The following DCTN3 variants were observed in gnomAD, a reference collection of about 807,000 sequenced individuals.
The protein encoded by DCTN3 is dynactin 3 (p22).
In DCTN3, 25 loss-of-function variants were observed where a neutral mutation model predicts 28.4. That is an observed-to-expected ratio of 0.88 (90% CI 0.64 to 1.23). DCTN3 has a LOEUF of 1.23. Among genes scored for constraint, DCTN3 ranks in the 50% most tolerant of loss-of-function variants. DCTN3 has a pLI of 0.00. For synonymous variants in DCTN3, 81 were observed against 91.4 expected, an observed-to-expected ratio of 0.89 and a Z score of 0.65; for missense variants, 229 against 232.0, an observed-to-expected ratio of 0.99 and a Z score of 0.08.
At chr9:34,618,043 C>T (rs1820463945) in intron 2 of DCTN3, 72 bp from the exon 3 acceptor site, 1 of 1,493,438 alleles carries the variant, frequency 6.7e-7, no homozygotes, top group African/African-American at 1.4e-5. Context: ...GGATGTTTGA[C>T]AAGTGGTCAG....
At chr9:34,620,262 A>C in intron 1 of DCTN3, 107 bp downstream of exon 1, 2 of 985,268 alleles carry the variant, frequency 2.0e-6, no homozygotes, top group South Asian at 1.5e-5. Context: ...GTTATTTCAA[A>C]GGCCGGGCTG....
In DCTN3 at chr9:34,613,643, A is replaced by C. The variant is rs770808194; in HGVS notation, c.*139T>G. 787 of 1,216,324 alleles carry C rather than the reference A, an allele frequency of 6.5e-4. No homozygotes were observed. Among genetic ancestry groups the C allele is most frequent in the Non-Finnish European group, 8.4e-4 (759 of 904,786 alleles). 75.3% of individuals were successfully genotyped at this position (1,216,324 alleles called of 1,614,324 possible). A position where few individuals can be genotyped will look rare whatever the true frequency, so the allele number is the denominator to read the frequency against. On this transcript the variant is annotated 3_prime_UTR_variant, in exon 7 of 7. Coordinates refer to ENST00000259632, the MANE Select transcript of DCTN3 (RefSeq NM_007234.5). ...GCAAACCTCAGGTAACCTGACCTCC[A>C]ACTTTAGAGCCCAGAGTACAGAGAG...
rs758460702 is a variant in DCTN3 at position 34,613,740 on chromosome 9, G to A, written c.*42C>T. On this transcript the variant is annotated 3_prime_UTR_variant, in exon 7 of 7. Transcript: ENST00000259632. Reference sequence around the variant, plus strand: ...AAAGGCAGGTTGGCATAGGGCCCTGGAGCCTGACTGCCCAGGCCCACTTTG... The same window carrying A: ...AAAGGCAGGTTGGCATAGGGCCCTGAAGCCTGACTGCCCAGGCCCACTTTG... 34 of 1,611,652 alleles carry A rather than the reference G, an allele frequency of 2.1e-5. No individual in the cohort carries two copies. The highest frequency in any genetic ancestry group is 3.3e-4 in the Middle Eastern group (2 of 5,990).
chr9:34,618,578 C>A, intron 2 of DCTN3, 98 bp downstream of exon 2: 1 of 880,568 alleles, frequency 1.1e-6, no homozygotes, highest in South Asian at 1.3e-5. Context: ...CCCCAAAGGG[C>A]TATTCCAGTG....
At chr9:34,614,279 T>G in intron 5 of DCTN3, 178 bp from the exon 6 acceptor site, 1 of 1,455,296 alleles carries the variant, frequency 6.9e-7, no homozygotes, top group Non-Finnish European at 9.3e-7. Context: ...ATGGGTGCCC[T>G]AACAGCAGTC....
At chr9:34,614,882 C>A in intron 4 of DCTN3, 114 bp from the exon 5 acceptor site, 1 of 1,288,468 alleles carries the variant, frequency 7.8e-7, no homozygotes. Context: ...GCTAAACAAA[C>A]GCCAGACTTC....
At position 34,613,733 on chromosome 9, in the gene DCTN3, G is replaced by A. The variant is rs1587202725; in HGVS notation, c.*49C>T. 6.2e-7 allele frequency: 1 copy of A among 1,610,288 alleles called. No individual in the cohort carries two copies. The highest frequency in any genetic ancestry group is 2.2e-5 in the East Asian group (1 of 44,722). On this transcript the variant is annotated 3_prime_UTR_variant, in exon 7 of 7. Transcript: ENST00000259632. Reference sequence around the variant, plus strand: ...TTGTAACAAAGGCAGGTTGGCATAGGGCCCTGGAGCCTGACTGCCCAGGCC... The same window carrying A: ...TTGTAACAAAGGCAGGTTGGCATAGAGCCCTGGAGCCTGACTGCCCAGGCC...
At chr9:34,617,201 A>C (rs1316858560) in intron 3 of DCTN3, among the ~76,000 whole-genome samples, 1 of 152,140 alleles carries the variant, frequency 6.6e-6, no homozygotes, top group Non-Finnish European at 1.5e-5. Flanking sequence ...TGCACTGATC[A>C]GTCTCCTGGG....
At chr9:34,615,927 G>T in intron 4 of DCTN3, 103 bp downstream of exon 4, 7 of 825,258 alleles carry the variant, frequency 8.5e-6, no homozygotes, top group South Asian at 1.7e-5. Context: ...ATAAGGAACA[G>T]ACCCAACCCG....
chr9:34,617,643 G>A (rs1474644778), intron 3 of DCTN3: 2 of 1,437,734 alleles, frequency 1.4e-6, no homozygotes, highest in African/African-American at 2.9e-5. Flanking sequence ...ACTATTGATA[G>A]AACACTGGAC....
At chr9:34,613,895 T>C (rs1253511257) in intron 6 of DCTN3, 24 bp from the exon 7 acceptor site, 3 of 1,613,982 alleles carry the variant, frequency 1.9e-6, no homozygotes, top group African/African-American at 1.3e-5. Flanking sequence ...AAGGTGAGAA[T>C]AGGAATCTGA....
intron 5 of DCTN3, 32 bp from the exon 6 acceptor site, chr9:34,614,133 C>A (rs2132298203): frequency 1.2e-6 from 2 of 1,614,096 alleles, no homozygotes; most frequent in Admixed American, 1.7e-5. Context: ...CAGAAAGGAA[C>A]TGGGCAAAGC....
intron 1 of DCTN3, among the ~76,000 whole-genome samples, 194 bp from the exon 2 acceptor site, chr9:34,618,954 T>C (rs761855568): frequency 6.6e-6 from 1 of 152,234 alleles, no homozygotes; most frequent in Non-Finnish European, 1.5e-5. Context: ...AATCATGTAC[T>C]CCTTGGGGAG....
At chr9:34,617,305 T>G (rs1820444323) in intron 3 of DCTN3, among the ~76,000 whole-genome samples, 1 of 152,212 alleles carries the variant, frequency 6.6e-6, no homozygotes, top group Non-Finnish European at 1.5e-5. Context: ...GCAGGGACTT[T>G]CTGGTTCACC....
intron 5 of DCTN3, 181 bp downstream of exon 5, chr9:34,614,529 G>C: frequency 1.5e-6 from 1 of 684,914 alleles, no homozygotes; most frequent in Non-Finnish European, 2.4e-6. Flanking sequence ...CAGAAAGTTT[G>C]TACATGAACC....
At chr9:34,618,024 C>A in intron 2 of DCTN3, 53 bp from the exon 3 acceptor site, 1 of 1,559,652 alleles carries the variant, frequency 6.4e-7, no homozygotes, top group Non-Finnish European at 8.8e-7. Context: ...TAGAGCTCTG[C>A]CTTATGAAGG....
In DCTN3 at chr9:34,614,751, C is replaced by T. The variant is rs1820384240; in HGVS notation, c.370G>A (p.Ala124Thr). 6.2e-7 allele frequency: 1 copy of T among 1,614,104 alleles called. No homozygotes were observed. The highest frequency in any genetic ancestry group is 8.5e-7 in the Non-Finnish European group (1 of 1,180,040). ...ATCTGGGCCAAGCGCTGCAGGCGGG[C>T]AGCATGCTCAGGAACGGCTGTAAAA... The part of the protein sequence containing the change: ...AHIKAVPEHA[A>T]RLQRLAQIHI... Residue 124 changes from alanine to threonine, a missense_variant, in exon 5 of 7, where the codon GCC (alanine) becomes ACC (threonine). Transcript: ENST00000259632.
In DCTN3 at chr9:34,616,859, A is replaced by G. The variant is rs1355692796; in HGVS notation, c.269-746T>C. On this transcript the variant is annotated intron_variant, in intron 3 of 6. Transcript: ENST00000259632. This position sits in a 1 kb window ranked among gnomAD's most constrained non-coding sequence, Gnocchi z 4.7. ...GACTATGGAATTAGGACTTTATCCT[A>G]GCAAGGCAGGATACACTGAGGTTCC... 6.6e-6 allele frequency: 1 copy of G among 152,262 alleles called. No individual in the cohort carries two copies. Among genetic ancestry groups the G allele is most frequent in the East Asian group, 1.9e-4 (1 of 5,196 alleles). 9.4% of individuals were successfully genotyped at this position (152,262 alleles called of 1,614,324 possible). A position where few individuals can be genotyped will look rare whatever the true frequency, so the allele number is the denominator to read the frequency against.
At position 34,614,120 on chromosome 9, in the gene DCTN3, G is replaced by A; in HGVS notation, c.412-19C>T. On this transcript the variant is annotated intron_variant, in intron 5 of 6. Coordinates refer to ENST00000259632, the MANE Select transcript of DCTN3 (RefSeq NM_007234.5). ...ACTGGTCCTGTAGGGCCAAAGTGTA[G>A]CACAGAAAGGAACTGGGCAAAGCCC... 1 of 1,614,122 alleles carries A rather than the reference G, an allele frequency of 6.2e-7. No individual in the cohort carries two copies. Among genetic ancestry groups the A allele is most frequent in the Non-Finnish European group, 8.5e-7 (1 of 1,179,982 alleles).
Sources: allele counts gnomAD v4.1 joint callset (sites outside exome capture counted in the v4.1 genomes callset), GRCh38; gene constraint gnomAD v4.1.1; non-coding constraint Gnocchi (gnomAD v3.1); transcripts MANE v1.5; gene names NCBI Gene and HGNC (gene_info 2026-07-23, HGNC 2026-07-21).